Variants in LPAR1 observed in about 807,000 individuals in gnomAD.
LPAR1 encodes LPA receptor 1.
A neutral mutation model predicts 23.8 loss-of-function variants in LPAR1; 5 were observed. The observed-to-expected ratio is 0.21, with a 90% CI of 0.11 to 0.44. The LOEUF (loss-of-function observed/expected upper bound fraction) is 0.44. LPAR1 is among the 20% of genes least tolerant of loss of function. The pLI is 0.99. For missense variants in LPAR1, 311 were observed against 482.8 expected (o/e 0.64, Z 3.33); for synonymous variants, 160 against 164.7 (o/e 0.97, Z 0.22).
rs888898714 is a variant in LPAR1, at chr9:110,914,911, C to T, written c.793+26510G>A. Among the ~76,000 whole-genome samples, 4 of 151,982 alleles carry T rather than the reference C, an allele frequency of 2.6e-5. No homozygotes were observed. The East Asian group carries it at 5.8e-4, about 22-fold the overall frequency. On this transcript the variant is annotated intron_variant, in intron 5 of 5. Coordinates refer to ENST00000683809, the MANE Select transcript of LPAR1 (RefSeq NM_001351411.2). The stretch of plus-strand genomic sequence containing the variant: ...TCTCATACTCAAAAATGAAACCTAA[C>T]CTTAGTTCTAGCCACTTGGCTTGAA...
Position 110,875,461 on chromosome 9 carries a change from A to T in LPAR1, c.1055T>A (p.Ile352Asn), listed in dbSNP as rs147367410. 6.2e-7 allele frequency: 1 copy of T among 1,613,766 alleles called. No homozygotes were observed. The highest frequency in any genetic ancestry group is 8.5e-7 in the Non-Finnish European group (1 of 1,179,900). Residue 352 changes from isoleucine (I) to asparagine (N), a missense_variant, in exon 6 of 6, where the codon ATC (isoleucine) becomes AAC (asparagine). Physicochemically the swap from Ile to Asn is moderately radical, Grantham distance 149. Transcript: ENST00000683809. The stretch of plus-strand genomic sequence containing the variant: ...GTCATTGCTGTGAACTCCAGCCAAG[A>T]TGGTGTGGTTGAGGGAGGAAGCCGA... ...DRSASSLNHTILAGVHSNDHS... is the reference protein window; with the variant it reads ...DRSASSLNHTNLAGVHSNDHS...
At chr9:111,012,220 C>A (rs911415902) in intron 2 of LPAR1, among the ~76,000 whole-genome samples, 20 of 152,142 alleles carry the variant, frequency 1.3e-4, no homozygotes, top group Non-Finnish European at 2.1e-4. Flanking sequence ...CACTGCACTC[C>A]AGCCTGGACA....
intron 2 of LPAR1, among the ~76,000 whole-genome samples, chr9:110,990,627 A>G (rs2096875410): frequency 6.6e-6 from 1 of 152,108 alleles, no homozygotes; most frequent in Admixed American, 6.5e-5. Flanking sequence ...CCATAGCATT[A>G]AACACCTATA....
At chr9:110,890,105 G>A (rs1013569103) in intron 5 of LPAR1, among the ~76,000 whole-genome samples, 1 of 152,056 alleles carries the variant, frequency 6.6e-6, no homozygotes, top group Non-Finnish European at 1.5e-5. Flanking sequence ...AACAGATTAC[G>A]AAGAAGAGAT....
intron 5 of LPAR1, among the ~76,000 whole-genome samples, chr9:110,896,208 G>A (rs894430259): frequency 1.3e-5 from 2 of 152,160 alleles, no homozygotes; most frequent in Admixed American, 1.3e-4. Flanking sequence ...TTTTGACTAT[G>A]CTGCGTACTT....
In LPAR1 at chr9:110,950,293, C is replaced by T. The variant is rs79126761; in HGVS notation, c.46-8125G>A. Reference sequence around the variant, plus strand: ...TGGACAGCATGGCAAAATCCCATCTCTACTATAATAAAAATACGAAATTTA... The same window carrying T: ...TGGACAGCATGGCAAAATCCCATCTTTACTATAATAAAAATACGAAATTTA... On this transcript the variant is annotated intron_variant, in intron 4 of 5. Transcript: ENST00000683809. Among the ~76,000 whole-genome samples, 1,329 of 151,982 alleles carry T rather than the reference C, an allele frequency of 8.7e-3. 22 individuals carry two copies. Among genetic ancestry groups the T allele is most frequent in the African/African-American group, 0.03 (1,258 of 41,458 alleles).
At chr9:110,897,505 C>A (rs2086843510) in intron 5 of LPAR1, among the ~76,000 whole-genome samples, 1 of 152,196 alleles carries the variant, frequency 6.6e-6, no homozygotes. Context: ...CTTTCAACCC[C>A]CTTAGCATGC....
chr9:110,989,922 C>T (rs2096863956), intron 2 of LPAR1, among the ~76,000 whole-genome samples: 1 of 151,238 alleles, frequency 6.6e-6, no homozygotes, highest in Admixed American at 6.6e-5. Context: ...ACCCAGCTAA[C>T]ACTAAACAAA....
intron 2 of LPAR1, among the ~76,000 whole-genome samples, chr9:110,997,578 G>A (rs923886602): frequency 1.2e-4 from 18 of 152,128 alleles, no homozygotes; most frequent in African/African-American, 4.3e-4. Flanking sequence ...TAGCACCCAT[G>A]AAACTTAAAC....
Position 110,930,466 on chromosome 9 carries a change from C to T in LPAR1, c.793+10955G>A, listed in dbSNP as rs572351357. ...AGAGGTTGCAGTGAGGTGGAGATTG[C>T]GCCATTGCACTCCAGCCTAGACAAC... On this transcript the variant is annotated intron_variant, in intron 5 of 5. Coordinates refer to ENST00000683809, the MANE Select transcript of LPAR1 (RefSeq NM_001351411.2). 1.2e-4 allele frequency among the ~76,000 whole-genome samples: 18 copies of T among 151,834 alleles called. No individual in the cohort carries two copies. The East Asian group carries it at 3.3e-3, about 28-fold the overall frequency.
intron 2 of LPAR1, among the ~76,000 whole-genome samples, chr9:111,008,284 A>G (rs2097260620): frequency 6.6e-6 from 1 of 152,162 alleles, no homozygotes; most frequent in Non-Finnish European, 1.5e-5. Flanking sequence ...AGCAAAATAC[A>G]GTGAAAACTC....
intron 2 of LPAR1, among the ~76,000 whole-genome samples, chr9:111,017,379 C>T (rs2097473099): frequency 6.6e-6 from 1 of 152,156 alleles, no homozygotes; most frequent in Non-Finnish European, 1.5e-5. Flanking sequence ...GAAGGTGGGC[C>T]TCCATCACTA....
At chr9:111,002,192 T>TTAA (rs1354336725) in intron 2 of LPAR1, among the ~76,000 whole-genome samples, 1 of 152,188 alleles carries the variant, frequency 6.6e-6, no homozygotes, top group East Asian at 1.9e-4. Flanking sequence ...TTTCAGCTGA[T>TTAA]TAATAACAAC....
At chr9:110,892,193 C>G (rs1011079845) in intron 5 of LPAR1, among the ~76,000 whole-genome samples, 2 of 152,176 alleles carry the variant, frequency 1.3e-5, no homozygotes, top group African/African-American at 4.8e-5. Flanking sequence ...CAATGGAATA[C>G]TAGTCTGTAA....
At chr9:110,994,606 C>T (rs2096959774) in intron 2 of LPAR1, among the ~76,000 whole-genome samples, 2 of 152,134 alleles carry the variant, frequency 1.3e-5, no homozygotes, top group African/African-American at 4.8e-5. Context: ...CACTTTTTTA[C>T]TGTACTTGCA....
intron 2 of LPAR1, among the ~76,000 whole-genome samples, chr9:111,020,779 G>A (rs1173517561): frequency 6.6e-6 from 1 of 152,084 alleles, no homozygotes; most frequent in Non-Finnish European, 1.5e-5. Flanking sequence ...CAGGAGCCTG[G>A]AGTCCTGGCT....
intron 2 of LPAR1, among the ~76,000 whole-genome samples, chr9:111,015,411 C>A (rs966276969): frequency 2.0e-5 from 3 of 152,116 alleles, no homozygotes; most frequent in Non-Finnish European, 4.4e-5. Flanking sequence ...CCCTCCAAAC[C>A]CACTGTTACT....
chr9:110,975,236 C>CA (rs2096530519), intron 2 of LPAR1, among the ~76,000 whole-genome samples: 1 of 152,056 alleles, frequency 6.6e-6, no homozygotes, highest in Admixed American at 6.6e-5. Flanking sequence ...TAAATAGAGG[C>CA]ACCTAGCTTA....
intron 5 of LPAR1, among the ~76,000 whole-genome samples, chr9:110,878,640 G>A (rs952984447): frequency 1.3e-5 from 2 of 152,116 alleles, no homozygotes; most frequent in Non-Finnish European, 2.9e-5. Flanking sequence ...CTGAAGTGGA[G>A]AAATAATAGC....
Sources: gnomAD v4.1 joint callset for allele counts (sites outside exome capture counted in the v4.1 genomes callset) on GRCh38, gnomAD v4.1.1 for gene constraint, MANE v1.5 for transcripts, NCBI Gene and HGNC (gene_info 2026-07-23, HGNC 2026-07-21) for gene names.